ANO4: variants seen among roughly 807,000 people sequenced by gnomAD.
The protein encoded by ANO4 is anoctamin-4.
Under a neutral mutation model 141.9 loss-of-function variants are expected in ANO4, and 69 were observed. The ratio of observed to expected loss-of-function variants is 0.49; its 90% CI spans 0.40 to 0.59. ANO4 has a LOEUF of 0.59. Among genes scored for constraint, ANO4 ranks in the 20% least tolerant of loss-of-function variants. The pLI, the probability that ANO4 is intolerant of heterozygous loss-of-function variation, is 0.00. For synonymous variants in ANO4, 350 were observed against 394.3 expected (o/e 0.89, Z 1.33); for missense variants, 894 against 1,162.2 (o/e 0.77, Z 3.36).
intron 1 of ANO4, among the ~76,000 whole-genome samples, chr12:100,837,635 C>G (rs2037000412): frequency 6.6e-6 from 1 of 150,654 alleles, no homozygotes; most frequent in Non-Finnish European, 1.5e-5. Context: ...TAAAAAAGTG[C>G]TCTCTCCCTG....
At chr12:101,110,377 T>C in intron 22 of ANO4, 27 bp from the exon 23 acceptor site, 1 of 1,591,332 alleles carries the variant, frequency 6.3e-7, no homozygotes, top group Non-Finnish European at 8.5e-7. Context: ...CAATACTCTC[T>C]GCTCTTTTTC....
At chr12:100,997,348 A>AAAAG (rs2045434315) in intron 8 of ANO4, among the ~76,000 whole-genome samples, 1 of 151,440 alleles carries the variant, frequency 6.6e-6, no homozygotes, top group Admixed American at 6.6e-5. Flanking sequence ...AAAAAAAAAA[A>AAAAG]AAAGTGTCTT....
At chr12:100,989,975 AGATGGATGGATGGATG>A (rs58082088) in intron 8 of ANO4, among the ~76,000 whole-genome samples, 24 of 131,850 alleles carry the variant, frequency 1.8e-4, no homozygotes, top group South Asian at 1.1e-3. Context: ...ATAGGTCACC[AGATGGATGGATGGATG>A]GATGGATGGA....
At chr12:100,867,502 AG>A (rs1437053662) in intron 1 of ANO4, among the ~76,000 whole-genome samples, 1 of 152,058 alleles carries the variant, frequency 6.6e-6, no homozygotes, top group Non-Finnish European at 1.5e-5. Flanking sequence ...TGGTCTATTC[AG>A]TGTTTCAGTG....
At chr12:100,761,839 C>T (rs1335548104) in intron 3 of ANO4, among the ~76,000 whole-genome samples, 4 of 152,204 alleles carry the variant, frequency 2.6e-5, no homozygotes, top group Non-Finnish European at 5.9e-5. Flanking sequence ...TTCTAGTCTT[C>T]TTTCCCTACC....
intron 8 of ANO4, among the ~76,000 whole-genome samples, chr12:101,005,680 A>G (rs1241537307): frequency 6.6e-6 from 1 of 152,204 alleles, no homozygotes; most frequent in Non-Finnish European, 1.5e-5. Flanking sequence ...CTTATGGTAT[A>G]TGTTCGATAA....
chr12:100,953,171 A>G (rs11110595), intron 5 of ANO4, among the ~76,000 whole-genome samples: 3,138 of 152,322 alleles, frequency 0.021, 113 homozygotes, highest in African/African-American at 0.071. Flanking sequence ...TATGAAAGGA[A>G]TTGAAGTCCT....
chr12:100,729,791 G>C (rs2031309533), intron 1 of ANO4, among the ~76,000 whole-genome samples: 2 of 152,146 alleles, frequency 1.3e-5, no homozygotes, highest in Non-Finnish European at 2.9e-5. Context: ...CTTGGCAATT[G>C]CCACGGCTCT....
At chr12:101,000,484 C>T (rs2045589677) in intron 8 of ANO4, among the ~76,000 whole-genome samples, 1 of 152,124 alleles carries the variant, frequency 6.6e-6, no homozygotes, top group African/African-American at 2.4e-5. Flanking sequence ...GAGAATCCTT[C>T]AGGCAGAGGT....
intron 3 of ANO4, among the ~76,000 whole-genome samples, chr12:100,936,698 A>G (rs935024637): frequency 6.6e-6 from 1 of 152,156 alleles, no homozygotes; most frequent in South Asian, 2.1e-4. Context: ...TCCAACTTGT[A>G]AATATCTCTT....
At chr12:100,727,739 C>T (rs10459197) in intron 1 of ANO4, among the ~76,000 whole-genome samples, 136,423 of 152,128 alleles carry the variant, frequency 0.9, 61,340 homozygotes, top group East Asian at 1. Context: ...TTTCCTATGA[C>T]TTTCCCCCTC....
chr12:100,997,200 T>C (rs564354), intron 8 of ANO4, among the ~76,000 whole-genome samples: 97,098 of 151,444 alleles, frequency 0.64, 31,453 homozygotes, highest in Middle Eastern at 0.69. Flanking sequence ...TAGGCGTGGT[T>C]GCGCGTGCCT....
rs183032869 is a variant in ANO4 at position 100,796,015 on chromosome 12, C to T, written c.-141+988C>T. On this transcript the variant is annotated intron_variant, in intron 1 of 27. Coordinates refer to ENST00000392977, the MANE Select transcript of ANO4 (RefSeq NM_001286615.2). ...TTATTAGTTTCACTCCTGTGCGTTG[C>T]AGGAGTCTCTCTTAACAGGGATTTT... Among the ~76,000 whole-genome samples the T allele has an allele frequency of 2.6e-3, 390 of 147,978 alleles. 2 individuals are homozygous for T. Among genetic ancestry groups the T allele is most frequent in the African/African-American group, 9.1e-3 (362 of 39,806 alleles).
chr12:100,880,042 G>A (rs2039494312), intron 1 of ANO4, among the ~76,000 whole-genome samples: 1 of 152,134 alleles, frequency 6.6e-6, no homozygotes, highest in African/African-American at 2.4e-5. Context: ...AGAGAAGATG[G>A]CACACACATG....
At chr12:100,987,324 A>C (rs190145411) in intron 7 of ANO4, 9 of 553,534 alleles carry the variant, frequency 1.6e-5, no homozygotes, top group Admixed American at 1.1e-4. Flanking sequence ...GCTATTTCAC[A>C]AACAGTAATA....
chr12:100,846,835 C>T (rs949548751), intron 1 of ANO4, among the ~76,000 whole-genome samples: 5 of 152,062 alleles, frequency 3.3e-5, no homozygotes, highest in African/African-American at 1.2e-4. Context: ...TGTTTTATCT[C>T]GTTTCTATAC....
intron 6 of ANO4, among the ~76,000 whole-genome samples, chr12:100,972,932 G>A (rs1161923958): frequency 6.6e-6 from 1 of 152,196 alleles, no homozygotes; most frequent in Admixed American, 6.5e-5. Flanking sequence ...GAAGGGCCTG[G>A]CCACATCATG....
At chr12:100,891,224 G>A (rs1314689573) in intron 1 of ANO4, among the ~76,000 whole-genome samples, 1 of 152,200 alleles carries the variant, frequency 6.6e-6, no homozygotes, top group Non-Finnish European at 1.5e-5. Flanking sequence ...TTTACCTACT[G>A]AAGGACATCT....
At chr12:100,892,438 A>G (rs1190618011) in intron 1 of ANO4, among the ~76,000 whole-genome samples, 1 of 152,170 alleles carries the variant, frequency 6.6e-6, no homozygotes, top group Admixed American at 6.5e-5. Context: ...CCCTCTTCCA[A>G]GGTCTTAGCT....
Sources: gnomAD v4.1 joint callset for allele counts (sites outside exome capture counted in the v4.1 genomes callset) on GRCh38, gnomAD v4.1.1 for gene constraint, MANE v1.5 for transcripts, NCBI Gene and HGNC (gene_info 2026-07-23, HGNC 2026-07-21) for gene names.